The following KIAA1671 variants were observed in gnomAD, a reference collection of about 807,000 sequenced individuals.
KIAA1671 encodes uncharacterized protein KIAA1671.
A neutral mutation model predicts 131.2 loss-of-function variants in KIAA1671; 52 were observed. That is an observed-to-expected ratio of 0.40 (90% CI 0.32 to 0.50). The LOEUF is 0.50. Ranked by LOEUF, KIAA1671 falls within the 20% of genes least tolerant of loss-of-function variation. The pLI is 0.73. For synonymous variants in KIAA1671, 1,003 were observed against 961.6 expected (o/e 1.04, Z -0.80); for missense variants, 2,360 against 2,364.2 (o/e 1.00, Z 0.04).
intron 1 of KIAA1671, among the ~76,000 whole-genome samples, chr22:24,999,235 C>G (rs1924304730): frequency 1.3e-5 from 2 of 150,454 alleles, no homozygotes; most frequent in Admixed American, 1.3e-4. Flanking sequence ...GTATAGTATA[C>G]AGAGAGAGAG....
At chr22:25,192,220 T>C (rs1002864813) in intron 12 of KIAA1671, among the ~76,000 whole-genome samples, 186 bp from the exon 13 acceptor site, 1 of 152,108 alleles carries the variant, frequency 6.6e-6, no homozygotes, top group Non-Finnish European at 1.5e-5. Context: ...GGTTTCACTG[T>C]ATTCCATGCC....
intron 1 of KIAA1671, among the ~76,000 whole-genome samples, chr22:25,008,029 C>T (rs1199853790): frequency 6.6e-6 from 1 of 151,818 alleles, no homozygotes; most frequent in African/African-American, 2.4e-5. Context: ...GAAACCCTGT[C>T]TCTATTAAAA....
At chr22:25,128,183 A>T (rs1480061476) in intron 6 of KIAA1671, among the ~76,000 whole-genome samples, 2 of 152,194 alleles carry the variant, frequency 1.3e-5, no homozygotes, top group Admixed American at 1.3e-4. Context: ...GGTCTGAGGA[A>T]GGACCCAGAA....
intron 2 of KIAA1671, among the ~76,000 whole-genome samples, chr22:25,026,336 A>G (rs1322837110): frequency 2.6e-5 from 4 of 152,154 alleles, no homozygotes; most frequent in Admixed American, 2.0e-4. Context: ...GCAGTTTCAC[A>G]GGGAAGAAAA....
chr22:24,987,140 T>C (rs898315639), intron 1 of KIAA1671, among the ~76,000 whole-genome samples: 1 of 151,912 alleles, frequency 6.6e-6, no homozygotes, highest in African/African-American at 2.4e-5. Flanking sequence ...TCTTTTGATT[T>C]TTTTCCAATG....
At chr22:25,033,972 A>C (rs1219883494) in intron 4 of KIAA1671, among the ~76,000 whole-genome samples, 1 of 152,008 alleles carries the variant, frequency 6.6e-6, no homozygotes, top group Non-Finnish European at 1.5e-5. Context: ...CTATGTGTGT[A>C]CAACCTGTGA....
chr22:25,087,087 T>G (rs906762347), intron 6 of KIAA1671, among the ~76,000 whole-genome samples: 1 of 152,050 alleles, frequency 6.6e-6, no homozygotes, highest in Non-Finnish European at 1.5e-5. Flanking sequence ...AAAAATCACT[T>G]ATGTGAGCCT....
chr22:25,088,858 C>T (rs1014800508), intron 6 of KIAA1671, among the ~76,000 whole-genome samples: 4 of 148,126 alleles, frequency 2.7e-5, no homozygotes, highest in Admixed American at 1.4e-4. Flanking sequence ...GCGTCTGTAC[C>T]CTCCCATATG....
intron 1 of KIAA1671, among the ~76,000 whole-genome samples, chr22:25,000,180 G>A (rs1020820727): frequency 5.3e-4 from 68 of 128,050 alleles, no homozygotes; most frequent in African/African-American, 2.0e-3. Flanking sequence ...ACTGCTCCTC[G>A]CCTGTTTTTT....
chr22:25,087,820 C>T (rs1336582024), intron 6 of KIAA1671, among the ~76,000 whole-genome samples: 3 of 152,194 alleles, frequency 2.0e-5, no homozygotes, highest in South Asian at 2.1e-4. Context: ...TTTTTCTCCA[C>T]TGCCCACGGT....
At chr22:25,019,753 C>G (rs1462615201) in intron 1 of KIAA1671, among the ~76,000 whole-genome samples, 2 of 151,786 alleles carry the variant, frequency 1.3e-5, no homozygotes, top group Non-Finnish European at 2.9e-5. Flanking sequence ...CTGTGCATAC[C>G]CCCTTACCTT....
At chr22:25,055,612 T>C (rs992156006) in intron 6 of KIAA1671, 1 of 149,730 alleles carries the variant, frequency 6.7e-6, no homozygotes, top group Non-Finnish European at 1.5e-5. Context: ...CTCATTGAGA[T>C]ATTTATTTTC....
At chr22:25,031,347 C>T (rs1453673141) in intron 3 of KIAA1671, among the ~76,000 whole-genome samples, 2 of 152,282 alleles carry the variant, frequency 1.3e-5, no homozygotes, top group East Asian at 3.9e-4. Flanking sequence ...CAGGCGTCAG[C>T]CACCACGCCC....
At position 25,181,811 on chromosome 22, in the gene KIAA1671, G is replaced by A. The variant is rs1331945980; in HGVS notation, c.5187G>A (p.Pro1729=). 4.5e-6 allele frequency: 7 copies of A among 1,551,504 alleles called. No individual in the cohort carries two copies. Among genetic ancestry groups the A allele is most frequent in the East Asian group, 2.4e-5 (1 of 40,896 alleles). Reference sequence around the variant, plus strand: ...TGCCTGCGTTTCCAGGCATGGATCCGGCAGTGCTAAAGGTACCAGACCTCT... The same window carrying A: ...TGCCTGCGTTTCCAGGCATGGATCCAGCAGTGCTAAAGGTACCAGACCTCT... ...QRMPAFPGMD[P]AVLKAQLHKR... Residue 1729 remains proline, a synonymous_variant, in exon 10 of 13, where the codon CCG becomes CCA. Transcript: ENST00000358431.
chr22:24,961,557 G>T (rs1428731478), intron 1 of KIAA1671, among the ~76,000 whole-genome samples: 1 of 152,210 alleles, frequency 6.6e-6, no homozygotes. Context: ...TTGGGTTCAG[G>T]TCTGGCTCGT....
rs1208257511 is a variant in KIAA1671, at chr22:24,985,623, G to A, written c.-208+32851G>A. On this transcript the variant is annotated intron_variant, in intron 1 of 12. Coordinates refer to ENST00000358431, the MANE Select transcript of KIAA1671 (RefSeq NM_001145206.2). ...CAAAGTGCTGGGATTACAGGCGTGAGCCAGCGCGCCTAGCCTTTCTGTCTC... is the reference window on the plus strand; with the variant it reads ...CAAAGTGCTGGGATTACAGGCGTGAACCAGCGCGCCTAGCCTTTCTGTCTC... Among the ~76,000 whole-genome samples, 7 of 152,184 alleles carry A rather than the reference G, an allele frequency of 4.6e-5. No homozygotes were observed. The East Asian group carries it at 1.3e-3, about 29-fold the overall frequency.
At chr22:25,148,802 G>C (rs933692868) in intron 6 of KIAA1671, among the ~76,000 whole-genome samples, 1 of 152,142 alleles carries the variant, frequency 6.6e-6, no homozygotes, top group Non-Finnish European at 1.5e-5. Context: ...TCTCGCTCCC[G>C]TAAGTGCTCT....
In KIAA1671 at chr22:25,116,369, C is replaced by T. The variant is rs1057413684; in HGVS notation, c.4531-54451C>T. On this transcript the variant is annotated intron_variant, in intron 6 of 12. Coordinates refer to ENST00000358431, the MANE Select transcript of KIAA1671 (RefSeq NM_001145206.2). Reference sequence around the variant, plus strand: ...ATTGCAAGCATGAGCCACTGTACCCCACCCCCTCCACCAGTATGTATGTAT... The same window carrying T: ...ATTGCAAGCATGAGCCACTGTACCCTACCCCCTCCACCAGTATGTATGTAT... Among the ~76,000 whole-genome samples, 5 of 150,894 alleles carry T rather than the reference C, an allele frequency of 3.3e-5. No homozygotes were observed. In the Admixed American group the frequency reaches 3.3e-4, roughly 10 times the overall value.
At chr22:25,088,647 T>G (rs2145874840) in intron 6 of KIAA1671, among the ~76,000 whole-genome samples, 1 of 152,310 alleles carries the variant, frequency 6.6e-6, no homozygotes, top group Non-Finnish European at 1.5e-5. Context: ...TAAAAATAAA[T>G]AACTTTTTTT....
Sources: allele counts gnomAD v4.1 joint callset (sites outside exome capture counted in the v4.1 genomes callset), GRCh38; gene constraint gnomAD v4.1.1; transcripts MANE v1.5; gene names NCBI Gene and HGNC (gene_info 2026-07-23, HGNC 2026-07-21).